Variants in NDUFA12 observed in about 807,000 individuals in gnomAD.
NDUFA12 encodes the protein NADH dehydrogenase [ubiquinone] 1 alpha subcomplex subunit 12.
A neutral mutation model predicts 20.3 loss-of-function variants in NDUFA12; 17 were observed. The ratio of observed to expected loss-of-function variants is 0.84; its 90% CI spans 0.57 to 1.26. The LOEUF (loss-of-function observed/expected upper bound fraction) is 1.26, where lower values mean the gene tolerates loss of function less well. NDUFA12 is among the 50% of genes most tolerant of loss of function. NDUFA12 has a pLI of 0.00. For synonymous variants in NDUFA12, 72 were observed against 63.6 expected (o/e 1.13, Z -0.63); for missense variants, 191 against 183.7 (o/e 1.04, Z -0.23).
At chr12:94,991,756 A>G (rs1010974164) in intron 3 of NDUFA12, among the ~76,000 whole-genome samples, 1 of 151,900 alleles carries the variant, frequency 6.6e-6, no homozygotes, top group African/African-American at 2.4e-5. Context: ...AGAAAAAACA[A>G]GAAGTCTCAC....
At chr12:94,996,324 T>TACACACACACACACACAC (rs71075891) in intron 2 of NDUFA12, among the ~76,000 whole-genome samples, 37 of 141,296 alleles carry the variant, frequency 2.6e-4, no homozygotes, top group African/African-American at 6.3e-4. Flanking sequence ...CATATATAGG[T>TACACACACACACACACAC]ACACACACAC....
intron 3 of NDUFA12, among the ~76,000 whole-genome samples, chr12:94,984,725 AACAAC>A (rs1214365580): frequency 5.8e-5 from 7 of 119,848 alleles, no homozygotes; most frequent in Admixed American, 5.7e-4. Flanking sequence ...AAAAAAAAAA[AACAAC>A]AAAAAACCCA....
intron 3 of NDUFA12, 149 bp downstream of exon 3, chr12:94,994,021 G>A: frequency 1.5e-6 from 1 of 676,726 alleles, no homozygotes; most frequent in South Asian, 1.7e-5. Flanking sequence ...CTACTAGGGA[G>A]GCTGATGTGG....
At chr12:94,976,580 G>A (rs375240718) in intron 3 of NDUFA12, among the ~76,000 whole-genome samples, 75 of 152,212 alleles carry the variant, frequency 4.9e-4, no homozygotes, top group Middle Eastern at 3.4e-3. Context: ...CATAATACTC[G>A]GCACACAGCA....
chr12:94,983,017 C>G (rs1156847189), intron 3 of NDUFA12, among the ~76,000 whole-genome samples: 4 of 152,140 alleles, frequency 2.6e-5, no homozygotes, highest in African/African-American at 9.7e-5. Context: ...TTTCAACTGT[C>G]TACTCACCTT....
intron 2 of NDUFA12, among the ~76,000 whole-genome samples, chr12:94,996,324 T>TGCACACACAC: frequency 7.1e-6 from 1 of 141,296 alleles, no homozygotes; most frequent in Non-Finnish European, 1.5e-5. Context: ...CATATATAGG[T>TGCACACACAC]ACACACACAC....
chr12:94,978,812 TAATA>T, intron 3 of NDUFA12, among the ~76,000 whole-genome samples: 1 of 152,328 alleles, frequency 6.6e-6, no homozygotes, highest in Non-Finnish European at 1.5e-5. Context: ...TTTGCAACTA[TAATA>T]AATAGTATAT....
chr12:94,987,791 C>CAAAA (rs61711763), intron 3 of NDUFA12, among the ~76,000 whole-genome samples: 1 of 69,346 alleles, frequency 1.4e-5, no homozygotes, highest in Non-Finnish European at 2.6e-5. Flanking sequence ...GACATTGTCT[C>CAAAA]AAAAAAAAAA....
chr12:95,001,518 C>T (rs1016271888), intron 2 of NDUFA12, among the ~76,000 whole-genome samples: 2 of 151,986 alleles, frequency 1.3e-5, no homozygotes, highest in African/African-American at 4.8e-5. Context: ...ATCCCAGCTA[C>T]TTGGGTGGCT....
chr12:94,987,237 A>G (rs900478437), intron 3 of NDUFA12, among the ~76,000 whole-genome samples: 2 of 152,204 alleles, frequency 1.3e-5, no homozygotes, highest in Non-Finnish European at 2.9e-5. Context: ...GGAAACATTC[A>G]ACAAACTCAC....
At chr12:94,987,226 A>G (rs1381936828) in intron 3 of NDUFA12, among the ~76,000 whole-genome samples, 1 of 152,220 alleles carries the variant, frequency 6.6e-6, no homozygotes, top group East Asian at 1.9e-4. Context: ...CCTAGTCATG[A>G]GGAAACATTC....
chr12:94,986,110 TAAATA>T (rs869233250), intron 3 of NDUFA12, among the ~76,000 whole-genome samples: 1 of 150,500 alleles, frequency 6.6e-6, no homozygotes, highest in Non-Finnish European at 1.5e-5. Context: ...AATAAATAAA[TAAATA>T]AGCTAGTCTC....
At chr12:94,982,495 C>G (rs1287424775) in intron 3 of NDUFA12, among the ~76,000 whole-genome samples, 2 of 151,992 alleles carry the variant, frequency 1.3e-5, no homozygotes, top group East Asian at 1.9e-4. Flanking sequence ...CCAAGATGGT[C>G]TCGATCACCT....
chr12:94,973,939 A>T (rs1230795424), intron 3 of NDUFA12, among the ~76,000 whole-genome samples: 1 of 148,114 alleles, frequency 6.8e-6, no homozygotes, highest in East Asian at 2.0e-4. Context: ...CACACCAGAG[A>T]GTTTTACTTG....
chr12:94,993,145 G>A (rs1366010699), intron 3 of NDUFA12, among the ~76,000 whole-genome samples: 1 of 152,128 alleles, frequency 6.6e-6, no homozygotes, highest in Admixed American at 6.5e-5. Flanking sequence ...GATTGCTTGA[G>A]CCCAGGAGTT....
At chr12:94,999,047 C>T (rs886488461) in intron 2 of NDUFA12, among the ~76,000 whole-genome samples, 1 of 152,064 alleles carries the variant, frequency 6.6e-6, no homozygotes, top group East Asian at 1.9e-4. Context: ...GCAAAAAGAA[C>T]AAATCTAGAG....
At chr12:95,003,493 G>T in intron 1 of NDUFA12, 102 bp downstream of exon 1, 3 of 1,244,048 alleles carry the variant, frequency 2.4e-6, no homozygotes, top group Non-Finnish European at 3.6e-6. Context: ...CTTGACAAGA[G>T]CTGTGGATTC....
At chr12:94,982,505 T>C (rs1027383048) in intron 3 of NDUFA12, among the ~76,000 whole-genome samples, 11 of 152,120 alleles carry the variant, frequency 7.2e-5, no homozygotes, top group Non-Finnish European at 2.9e-5. Context: ...CTCGATCACC[T>C]GACCTCATGA....
Position 94,971,401 on chromosome 12 carries a change from G to A in NDUFA12, c.*39C>T, listed in dbSNP as rs1214926580. On this transcript the variant is annotated 3_prime_UTR_variant, in exon 4 of 4. Coordinates refer to ENST00000327772, the MANE Select transcript of NDUFA12 (RefSeq NM_018838.5). ...CAGTAAAAGAGTAATTACATGAAAA[G>A]CTCCATATTTTGCATGTTTCAACTG... 2 of 1,576,002 alleles carry A rather than the reference G, an allele frequency of 1.3e-6. No homozygotes were observed. Among genetic ancestry groups the A allele is most frequent in the South Asian group, 1.1e-5 (1 of 90,268 alleles).
Sources: allele counts gnomAD v4.1 joint callset (sites outside exome capture counted in the v4.1 genomes callset), GRCh38; gene constraint gnomAD v4.1.1; transcripts MANE v1.5; gene names NCBI Gene and HGNC (gene_info 2026-07-23, HGNC 2026-07-21).